The following OTOGL variants were observed in gnomAD, a reference collection of about 807,000 sequenced individuals.
OTOGL encodes the protein otogelin like.
A neutral mutation model predicts 318.5 loss-of-function variants in OTOGL; 285 were observed. The ratio of observed to expected loss-of-function variants is 0.89; its 90% CI spans 0.81 to 0.99. The LOEUF (loss-of-function observed/expected upper bound fraction) is 0.99. Among genes scored for constraint, OTOGL ranks in the 50% least tolerant of loss-of-function variants. The pLI is 0.00. For synonymous variants in OTOGL, 987 were observed against 936.5 expected (o/e 1.05, Z -0.99); for missense variants, 2,899 against 2,845.6 (o/e 1.02, Z -0.43).
In OTOGL at chr12:80,271,829, A is replaced by G. The variant is rs776421631; in HGVS notation, c.2681+19A>G. 8 of 1,595,102 alleles carry G rather than the reference A, an allele frequency of 5.0e-6. No individual in the cohort carries two copies. The highest frequency in any genetic ancestry group is 2.6e-6 in the Non-Finnish European group (3 of 1,169,360). ...CTCCAGGGTAAGCCTCTTCTTCATA[A>G]TACAGAACATTCAGGATTTGCCTGA... On this transcript the variant is annotated intron_variant, in intron 24 of 58. Coordinates refer to ENST00000547103, the MANE Select transcript of OTOGL (RefSeq NM_001378609.3).
At chr12:80,278,411 A>C (rs750192690) in intron 25 of OTOGL, 136 bp downstream of exon 25, 43 of 670,920 alleles carry the variant, frequency 6.4e-5, no homozygotes, top group Non-Finnish European at 1.0e-4. Flanking sequence ...GGCCTGCAGG[A>C]GTTGGTGGAC....
intron 11 of OTOGL, among the ~76,000 whole-genome samples, chr12:80,250,928 G>A (rs1028607355): frequency 2.0e-5 from 3 of 152,128 alleles, no homozygotes; most frequent in African/African-American, 7.2e-5. Context: ...ATTTTGGGGG[G>A]AAGCTCCTGA....
At chr12:80,261,500 T>G (rs1429157976) in intron 18 of OTOGL, among the ~76,000 whole-genome samples, 1 of 152,118 alleles carries the variant, frequency 6.6e-6, no homozygotes, top group Non-Finnish European at 1.5e-5. Flanking sequence ...TATTTATATT[T>G]TGAGATATTT....
chr12:80,270,869 C>T (rs1326494015), intron 23 of OTOGL, among the ~76,000 whole-genome samples: 1 of 152,060 alleles, frequency 6.6e-6, no homozygotes, highest in Non-Finnish European at 1.5e-5. Context: ...ATAAACAATA[C>T]TTGCTTTCAT....
chr12:80,327,533 C>G (rs1291845695), intron 35 of OTOGL, among the ~76,000 whole-genome samples: 1 of 152,092 alleles, frequency 6.6e-6, no homozygotes, highest in Non-Finnish European at 1.5e-5. Flanking sequence ...TCACTAATAT[C>G]TTTTCAGTGA....
intron 1 of OTOGL, among the ~76,000 whole-genome samples, chr12:80,166,844 A>G (rs1455688296): frequency 2.0e-5 from 3 of 152,150 alleles, no homozygotes; most frequent in Non-Finnish European, 4.4e-5. Flanking sequence ...GAGATAAATA[A>G]AGCACGAATT....
At chr12:80,251,967 TAA>T (rs1427080863) in intron 12 of OTOGL, 107 bp from the exon 13 acceptor site, 1 of 1,320,468 alleles carries the variant, frequency 7.6e-7, no homozygotes, top group Non-Finnish European at 9.9e-7. Context: ...TTTTTGCAAT[TAA>T]AAGTTATTTT....
rs1177407145 is a variant in OTOGL at position 80,308,404 on chromosome 12, C to T, written c.3334-2207C>T. Reference sequence around the variant, plus strand: ...GCAGAGGTGCTCCCCACATCTCAGACGATGGGCGGCCGGGCAGAGATGCTC... The same window carrying T: ...GCAGAGGTGCTCCCCACATCTCAGATGATGGGCGGCCGGGCAGAGATGCTC... On this transcript the variant is annotated intron_variant, in intron 29 of 58. Coordinates refer to ENST00000547103, the MANE Select transcript of OTOGL (RefSeq NM_001378609.3). Among the ~76,000 whole-genome samples, 17 of 149,982 alleles carry T rather than the reference C, an allele frequency of 1.1e-4. No individual in the cohort carries two copies. The East Asian group carries it at 2.2e-3, about 19-fold the overall frequency.
intron 18 of OTOGL, among the ~76,000 whole-genome samples, chr12:80,259,085 T>G (rs1882306931): frequency 1.3e-5 from 2 of 151,784 alleles, no homozygotes; most frequent in South Asian, 4.1e-4. Context: ...TAATTTTTTT[T>G]AGCTATACCT....
Position 80,103,466 on chromosome 12 carries a change from CT to C in OTOGL, c.-20+3863del, listed in dbSNP as rs1344529455. 1.2e-5 allele frequency: 7 copies of C among 591,324 alleles called. No individual in the cohort carries two copies. The African/African-American group carries it at 1.3e-4, about 11-fold the overall frequency. The allele number at this position is 591,324 out of a possible 1,614,324, so 36.6% of individuals were successfully genotyped here. Reference sequence around the variant, plus strand: ...GTCCCTTCTCTTCCCATAGTTAATTCTTATGAATTCTTCAACAGTCAGCTCA... The same window carrying C: ...GTCCCTTCTCTTCCCATAGTTAATTCTATGAATTCTTCAACAGTCAGCTCA... On this transcript the variant is annotated intron_variant, in intron 1 of 58. Coordinates refer to ENST00000547103, the MANE Select transcript of OTOGL (RefSeq NM_001378609.3).
At chr12:80,119,772 A>G (rs991546628) in intron 1 of OTOGL, among the ~76,000 whole-genome samples, 1 of 152,228 alleles carries the variant, frequency 6.6e-6, no homozygotes, top group East Asian at 1.9e-4. Flanking sequence ...ATTTTTTTGT[A>G]CATGGTAGGT....
chr12:80,370,608 A>G lies in OTOGL; in HGVS notation c.6654A>G (p.Glu2218=). The G allele has an allele frequency of 6.3e-7, 1 of 1,580,462 alleles. No homozygotes were observed. The highest frequency in any genetic ancestry group is 8.6e-7 in the Non-Finnish European group (1 of 1,162,026). The part of the protein sequence containing the change: ...STWHYNCTTY[E]CVKTDEGAII... ...GGCACTACAATTGCACCACATATGAATGTGTTAAAACTGATGAAGGAGCAA... is the reference window on the plus strand; with the variant it reads ...GGCACTACAATTGCACCACATATGAGTGTGTTAAAACTGATGAAGGAGCAA... The change falls in exon 56 of 59, where the codon GAA becomes GAG. Residue 2218 remains glutamate (E), a synonymous_variant. Coordinates refer to ENST00000547103, the MANE Select transcript of OTOGL (RefSeq NM_001378609.3).
chr12:80,254,202 A>G (rs1399598313), intron 14 of OTOGL, among the ~76,000 whole-genome samples: 3 of 152,042 alleles, frequency 2.0e-5, no homozygotes, highest in East Asian at 3.9e-4. Context: ...TATCTGACAT[A>G]AGAGGAGATC....
intron 44 of OTOGL, 65 bp downstream of exon 44, chr12:80,342,227 G>T (rs367655181): frequency 1.6e-6 from 2 of 1,245,128 alleles, no homozygotes; most frequent in South Asian, 2.9e-5. Flanking sequence ...AAGCCAATAC[G>T]TTACTGTTCT....
intron 19 of OTOGL, among the ~76,000 whole-genome samples, chr12:80,264,004 A>AT (rs1298597542): frequency 6.6e-6 from 1 of 152,112 alleles, no homozygotes; most frequent in East Asian, 1.9e-4. Flanking sequence ...TACTTGAGCA[A>AT]TTATCATGTT....
chr12:80,207,829 C>G lies in OTOGL; in HGVS notation c.-19-1584C>G, dbSNP rs141657296. 5.1e-4 allele frequency among the ~76,000 whole-genome samples: 78 copies of G among 152,148 alleles called. 2 individuals are homozygous for G. The East Asian group carries it at 0.011, about 21-fold the overall frequency. On this transcript the variant is annotated intron_variant, in intron 1 of 58. Coordinates refer to ENST00000547103, the MANE Select transcript of OTOGL (RefSeq NM_001378609.3). ...TTAATTTACTTTGTAGTCACATATTCTTAAGAATCTAAAATATTTTATAGT... is the reference window on the plus strand; with the variant it reads ...TTAATTTACTTTGTAGTCACATATTGTTAAGAATCTAAAATATTTTATAGT...
chr12:80,119,907 T>C (rs889302909), intron 1 of OTOGL, among the ~76,000 whole-genome samples: 1 of 152,212 alleles, frequency 6.6e-6, no homozygotes, highest in Non-Finnish European at 1.5e-5. Context: ...CTTTCTTAGA[T>C]TCATGATTTT....
intron 35 of OTOGL, 118 bp from the exon 36 acceptor site, chr12:80,328,547 G>T: frequency 1.4e-6 from 1 of 728,524 alleles, no homozygotes; most frequent in African/African-American, 1.8e-5. Context: ...TGCTTGACAA[G>T]GGTATATAGA....
chr12:80,238,928 A>C lies in OTOGL; in HGVS notation c.895A>C (p.Thr299Pro), dbSNP rs1188748204. ...TCCAGATGACACCAAATGTGTACTC[A>C]CACCCTCAGATTTTCCAAATCCGTG... ...QTPDDTKCVL[T>P]PSDFPNPCSS... The change falls in exon 10 of 59, where the codon ACA becomes CCA. Residue 299 changes from threonine to proline, a missense_variant. Transcript: ENST00000547103. 47 of 1,596,574 alleles carry C rather than the reference A, an allele frequency of 2.9e-5. No individual in the cohort carries two copies. Among genetic ancestry groups the C allele is most frequent in the Non-Finnish European group, 3.9e-5 (46 of 1,178,516 alleles).
Sources: allele counts gnomAD v4.1 joint callset (sites outside exome capture counted in the v4.1 genomes callset), GRCh38; gene constraint gnomAD v4.1.1; transcripts MANE v1.5; gene names NCBI Gene and HGNC (gene_info 2026-07-23, HGNC 2026-07-21).